Variants in NMNAT2 observed in about 807,000 individuals in gnomAD.
The protein encoded by NMNAT2 is nicotinamide/nicotinic acid mononucleotide adenylyltransferase 2.
Under a neutral mutation model 41.6 loss-of-function variants are expected in NMNAT2, and 11 were observed. That is an observed-to-expected ratio of 0.26 (90% CI 0.17 to 0.44). The LOEUF is 0.44. Among genes scored for constraint, NMNAT2 ranks in the 20% least tolerant of loss-of-function variants. The pLI, the probability that NMNAT2 is intolerant of heterozygous loss-of-function variation, is 1.00. For missense variants in NMNAT2, 288 were observed against 407.7 expected (o/e 0.71, Z 2.53); for synonymous variants, 148 against 151.2 (o/e 0.98, Z 0.16).
intron 1 of NMNAT2, among the ~76,000 whole-genome samples, chr1:183,396,951 T>G (rs573722417): frequency 2.6e-5 from 4 of 152,280 alleles, no homozygotes; most frequent in East Asian, 1.9e-4. Flanking sequence ...TGCATTCCAC[T>G]GCTAACACCT....
chr1:183,343,275 T>C (rs1307451910), intron 1 of NMNAT2, among the ~76,000 whole-genome samples: 1 of 152,202 alleles, frequency 6.6e-6, no homozygotes, highest in Non-Finnish European at 1.5e-5. Context: ...CTCACATTCA[T>C]ACACTCTAGT....
In NMNAT2 at chr1:183,348,629, CA is replaced by C. The variant is rs1244204612; in HGVS notation, c.86-54837del. Among the ~76,000 whole-genome samples, 5 of 152,144 alleles carry C rather than the reference CA, an allele frequency of 3.3e-5. No individual in the cohort carries two copies. In the East Asian group the frequency reaches 9.6e-4, roughly 29 times the overall value. On this transcript the variant is annotated intron_variant, in intron 1 of 10. Transcript: ENST00000287713. The stretch of plus-strand genomic sequence containing the variant: ...CCCAGTGTTTGGAGATTTGCTGGAA[CA>C]AAAGTTCTTTCCTGATACTTGCACA...
intron 1 of NMNAT2, among the ~76,000 whole-genome samples, chr1:183,417,962 C>G (rs976532544): frequency 1.3e-5 from 2 of 152,110 alleles, no homozygotes; most frequent in African/African-American, 4.8e-5. Flanking sequence ...CCTTTGGCCC[C>G]CTGCGAGCCG....
Position 183,341,725 on chromosome 1 carries a change from C to CAAAAAA in NMNAT2, c.86-47938_86-47933dup, listed in dbSNP as rs762935303. Among the ~76,000 whole-genome samples, 172 of 22,184 alleles carry CAAAAAA rather than the reference C, an allele frequency of 7.8e-3. 15 individuals are homozygous for CAAAAAA. The highest frequency in any genetic ancestry group is 0.063 in the East Asian group (16 of 254). 14.6% of individuals were successfully genotyped at this position (22,184 alleles called of 152,430 possible). A position where few individuals can be genotyped will look rare whatever the true frequency, so the allele number is the denominator to read the frequency against. On this transcript the variant is annotated intron_variant, in intron 1 of 10. Transcript: ENST00000287713. Reference sequence around the variant, plus strand: ...GAGGAAAAGACAAACAAACAAACACCAAAAAAAAAAAAAAAAAAAAAACCT... The same window carrying CAAAAAA: ...GAGGAAAAGACAAACAAACAAACACCAAAAAAAAAAAAAAAAAAAAAAAAAAAACCT...
chr1:183,310,737 C>T (rs994348786), intron 1 of NMNAT2, among the ~76,000 whole-genome samples: 3 of 152,004 alleles, frequency 2.0e-5, no homozygotes, highest in African/African-American at 4.8e-5. Flanking sequence ...GTTTGTCAAC[C>T]GTGCCAGGGT....
chr1:183,264,510 G>T (rs531147082), intron 8 of NMNAT2, among the ~76,000 whole-genome samples: 1 of 152,250 alleles, frequency 6.6e-6, no homozygotes, highest in East Asian at 1.9e-4. Context: ...CATGGCAGGG[G>T]TTCAGGCCAG....
chr1:183,355,326 T>A (rs534657461), intron 1 of NMNAT2, among the ~76,000 whole-genome samples: 4 of 152,300 alleles, frequency 2.6e-5, no homozygotes, highest in South Asian at 2.1e-4. Flanking sequence ...TATTAGTGGT[T>A]CTCCAAGTGT....
chr1:183,379,256 T>C (rs756565596), intron 1 of NMNAT2, among the ~76,000 whole-genome samples: 1 of 152,088 alleles, frequency 6.6e-6, no homozygotes, highest in African/African-American at 2.4e-5. Flanking sequence ...TCATGGCTTA[T>C]TGCAGCCTCA....
intron 1 of NMNAT2, chr1:183,304,980 G>T: frequency 1.2e-6 from 1 of 830,634 alleles, no homozygotes; most frequent in Non-Finnish European, 1.7e-6. Flanking sequence ...CCGCTTGTAG[G>T]AGCCACTCCG....
At chr1:183,296,796 G>A (rs372500245) in intron 1 of NMNAT2, among the ~76,000 whole-genome samples, 2 of 152,296 alleles carry the variant, frequency 1.3e-5, no homozygotes, top group East Asian at 3.9e-4. Context: ...TTACAGGCAT[G>A]AGCCACCGCA....
At chr1:183,284,936 A>G in intron 5 of NMNAT2, 146 bp from the exon 6 acceptor site, 1 of 659,154 alleles carries the variant, frequency 1.5e-6, no homozygotes, top group Non-Finnish European at 2.8e-6. Flanking sequence ...GCAGGAGGGT[A>G]GAGAGAAAGA....
intron 1 of NMNAT2, among the ~76,000 whole-genome samples, chr1:183,298,854 A>G (rs1661773684): frequency 6.6e-6 from 1 of 152,246 alleles, no homozygotes; most frequent in Non-Finnish European, 1.5e-5. Flanking sequence ...CCAAAATGAT[A>G]TGAAATTTAA....
chr1:183,338,743 G>A (rs1486436132), intron 1 of NMNAT2, among the ~76,000 whole-genome samples: 3 of 152,110 alleles, frequency 2.0e-5, no homozygotes, highest in Non-Finnish European at 2.9e-5. Context: ...TATTAAACCC[G>A]GGACATAGGA....
chr1:183,293,620 G>T (rs1571579392), intron 2 of NMNAT2, 85 bp downstream of exon 2: 1 of 934,244 alleles, frequency 1.1e-6, no homozygotes, highest in African/African-American at 1.6e-5. Context: ...GAGACAGAGC[G>T]GGGGCAGTTT....
chr1:183,262,230 CA>C (rs1032795498), intron 8 of NMNAT2, among the ~76,000 whole-genome samples: 2 of 151,736 alleles, frequency 1.3e-5, no homozygotes, highest in Non-Finnish European at 2.9e-5. Flanking sequence ...TGTACCTAGC[CA>C]AAACCTTCTT....
chr1:183,414,641 T>C (rs1024249214), intron 1 of NMNAT2, among the ~76,000 whole-genome samples: 4 of 152,264 alleles, frequency 2.6e-5, no homozygotes, highest in African/African-American at 9.6e-5. Flanking sequence ...CAGTTGAGTA[T>C]ACAAGTGTCA....
chr1:183,381,511 C>A (rs1663802597), intron 1 of NMNAT2, among the ~76,000 whole-genome samples: 2 of 152,024 alleles, frequency 1.3e-5, no homozygotes, highest in South Asian at 2.1e-4. Context: ...GCCTGGCCAA[C>A]AAAGTGAAAT....
intron 8 of NMNAT2, among the ~76,000 whole-genome samples, chr1:183,263,419 T>G (rs1660713416): frequency 6.6e-6 from 1 of 152,214 alleles, no homozygotes; most frequent in African/African-American, 2.4e-5. Context: ...GATACTGCAC[T>G]AGGACTCACT....
intron 1 of NMNAT2, among the ~76,000 whole-genome samples, chr1:183,336,158 G>A (rs1260841573): frequency 6.6e-6 from 1 of 152,216 alleles, no homozygotes; most frequent in South Asian, 2.1e-4. Context: ...GCACTGTAGT[G>A]TTACTAGAGT....
Sources: gnomAD v4.1 joint callset for allele counts (sites outside exome capture counted in the v4.1 genomes callset) on GRCh38, gnomAD v4.1.1 for gene constraint, MANE v1.5 for transcripts, NCBI Gene and HGNC (gene_info 2026-07-23, HGNC 2026-07-21) for gene names.